The following PBX1 variants were observed in gnomAD, a reference collection of about 807,000 sequenced individuals.
PBX1 encodes pre-B-cell leukemia transcription factor 1.
In PBX1, 6 loss-of-function variants were observed where a neutral mutation model predicts 53.4. The ratio of observed to expected loss-of-function variants is 0.11; its 90% CI spans 0.06 to 0.22. The LOEUF is 0.22. Ranked by LOEUF, PBX1 falls within the 10% of genes least tolerant of loss-of-function variation. The pLI, the probability that PBX1 is intolerant of heterozygous loss-of-function variation, is 1.00. For synonymous variants in PBX1, 204 were observed against 212.3 expected (o/e 0.96, Z 0.34); for missense variants, 251 against 551.4 (o/e 0.46, Z 5.46).
intron 2 of PBX1, among the ~76,000 whole-genome samples, chr1:164,572,217 C>T (rs1571242530): frequency 6.6e-6 from 1 of 151,866 alleles, no homozygotes; most frequent in Non-Finnish European, 1.5e-5. Context: ...TGAGCTACCA[C>T]GCCCAGCCTG....
At chr1:164,836,278 T>G (rs1671034853) in intron 8 of PBX1, among the ~76,000 whole-genome samples, 1 of 152,146 alleles carries the variant, frequency 6.6e-6, no homozygotes, top group African/African-American at 2.4e-5. Flanking sequence ...GCCCATCTTA[T>G]TCCGTAGCAG....
At chr1:164,580,526 T>C (rs2489637) in intron 2 of PBX1, among the ~76,000 whole-genome samples, 149,922 of 152,100 alleles carry the variant, frequency 0.99, 73,930 homozygotes, top group Middle Eastern at 1. Context: ...GTGATCCACC[T>C]GCCTCGGCCT....
At chr1:164,712,719 T>A (rs924849145) in intron 2 of PBX1, among the ~76,000 whole-genome samples, 20 of 152,156 alleles carry the variant, frequency 1.3e-4, no homozygotes, top group Admixed American at 5.2e-4. Context: ...CACGTGCAGG[T>A]CTTAGGAGAC....
At position 164,848,019 on chromosome 1, in the gene PBX1, A is replaced by G. The variant is rs1671655116; in HGVS notation, c.*1343A>G. 9.5e-7 allele frequency: 1 copy of G among 1,050,434 alleles called. No homozygotes were observed. The highest frequency in any genetic ancestry group is 1.1e-6 in the Non-Finnish European group (1 of 869,872). The allele number at this position is 1,050,434 out of a possible 1,614,324, so 65.1% of individuals were successfully genotyped here. A position where few individuals can be genotyped will look rare whatever the true frequency, so the allele number is the denominator to read the frequency against. ...CTGTATTAATTTTCCAAAATGTTATACCACACTATGTTCTTGGTCCTGACC... is the reference window on the plus strand; with the variant it reads ...CTGTATTAATTTTCCAAAATGTTATGCCACACTATGTTCTTGGTCCTGACC... On this transcript the variant is annotated 3_prime_UTR_variant, in exon 9 of 9. Transcript: ENST00000420696.
intron 2 of PBX1, among the ~76,000 whole-genome samples, chr1:164,591,780 G>C (rs1427750338): frequency 6.6e-6 from 1 of 152,196 alleles, no homozygotes; most frequent in Admixed American, 6.5e-5. Context: ...TAGAGAAATG[G>C]AGAGATCCAT....
At chr1:164,702,340 G>T (rs948212310) in intron 2 of PBX1, among the ~76,000 whole-genome samples, 2 of 152,158 alleles carry the variant, frequency 1.3e-5, no homozygotes, top group Non-Finnish European at 2.9e-5. Context: ...CATGGGCATG[G>T]GCTCAAGCTT....
chr1:164,657,753 A>G (rs1417113069), intron 2 of PBX1, among the ~76,000 whole-genome samples: 3 of 152,226 alleles, frequency 2.0e-5, no homozygotes, highest in Non-Finnish European at 4.4e-5. Context: ...AGTCAAGGAA[A>G]TAAATGCTCT....
At chr1:164,679,401 G>T (rs1661621050) in intron 2 of PBX1, among the ~76,000 whole-genome samples, 1 of 152,208 alleles carries the variant, frequency 6.6e-6, no homozygotes, top group Non-Finnish European at 1.5e-5. Flanking sequence ...GAGGGGTGCT[G>T]TCAGGTCTTG....
chr1:164,786,780 G>GA (rs2102288249), intron 2 of PBX1, among the ~76,000 whole-genome samples: 1 of 151,682 alleles, frequency 6.6e-6, no homozygotes, highest in East Asian at 2.0e-4. Flanking sequence ...TGCCTGTTGT[G>GA]AAAAGGATTC....
At chr1:164,813,100 G>A (rs1669700096) in intron 6 of PBX1, 1 of 152,074 alleles carries the variant, frequency 6.6e-6, no homozygotes, top group Admixed American at 6.5e-5. Context: ...AGAGTATGTG[G>A]TATCTTTGAC....
In PBX1 at chr1:164,646,122, C is replaced by T. The variant is rs189003596; in HGVS notation, c.265+82811C>T. Among the ~76,000 whole-genome samples the T allele has an allele frequency of 9.9e-4, 150 of 152,264 alleles. 1 individual carries two copies. Among genetic ancestry groups the T allele is most frequent in the African/African-American group, 3.4e-3 (141 of 41,546 alleles). On this transcript the variant is annotated intron_variant, in intron 2 of 8. Transcript: ENST00000420696. ...GGATTTTATTTTTCTCTCTGTGCCT[C>T]CTTTTCTTGATGGCATTTTGGTTAT...
chr1:164,676,991 T>G (rs1279335673), intron 2 of PBX1, among the ~76,000 whole-genome samples: 1 of 152,076 alleles, frequency 6.6e-6, no homozygotes, highest in Non-Finnish European at 1.5e-5. Flanking sequence ...TTTTCCCAAC[T>G]GGAAGGTAAT....
chr1:164,821,675 T>G, intron 8 of PBX1, 49 bp downstream of exon 8: 1 of 1,404,444 alleles, frequency 7.1e-7, no homozygotes, highest in Non-Finnish European at 1.0e-6. Flanking sequence ...ATTCTTTCAC[T>G]ACCAATTATT....
intron 2 of PBX1, among the ~76,000 whole-genome samples, chr1:164,604,215 A>G (rs912436054): frequency 2.6e-5 from 4 of 152,288 alleles, no homozygotes; most frequent in African/African-American, 9.6e-5. Flanking sequence ...TGCTATGATT[A>G]CAGGCGTGAG....
intron 2 of PBX1, among the ~76,000 whole-genome samples, chr1:164,729,352 T>G (rs1449274320): frequency 6.6e-6 from 1 of 152,210 alleles, no homozygotes; most frequent in East Asian, 1.9e-4. Context: ...CTATTTATCC[T>G]TGTGCTTCTT....
At chr1:164,643,639 A>C (rs1296483352) in intron 2 of PBX1, among the ~76,000 whole-genome samples, 1 of 152,194 alleles carries the variant, frequency 6.6e-6, no homozygotes, top group East Asian at 1.9e-4. Context: ...TTATTTATTT[A>C]AGTTACAACC....
intron 2 of PBX1, among the ~76,000 whole-genome samples, chr1:164,686,422 A>T (rs1026521375): frequency 5.1e-5 from 7 of 137,060 alleles, no homozygotes; most frequent in African/African-American, 1.9e-4. Flanking sequence ...TTTGATGGGA[A>T]TCAAACAGAG....
intron 2 of PBX1, among the ~76,000 whole-genome samples, chr1:164,599,091 A>G (rs1378257310): frequency 6.2e-5 from 1 of 16,118 alleles, no homozygotes; most frequent in African/African-American, 2.4e-4. Flanking sequence ...TTTTTTTTGC[A>G]AAGAAGAGTG....
chr1:164,784,663 TAAATGTGAA>T (rs1252407028), intron 2 of PBX1, among the ~76,000 whole-genome samples: 3 of 152,238 alleles, frequency 2.0e-5, no homozygotes, highest in Admixed American at 6.5e-5. Context: ...GGCTGTTGGC[TAAATGTGAA>T]AAACGAGTGA....
Sources: gnomAD v4.1 joint callset for allele counts (sites outside exome capture counted in the v4.1 genomes callset) on GRCh38, gnomAD v4.1.1 for gene constraint, MANE v1.5 for transcripts, NCBI Gene and HGNC (gene_info 2026-07-23, HGNC 2026-07-21) for gene names.